KIF4A: variants seen among roughly 807,000 people sequenced by gnomAD.
KIF4A encodes the protein chromosome-associated kinesin KIF4A.
A neutral mutation model predicts 105.9 loss-of-function variants in KIF4A; 7 were observed. That is an observed-to-expected ratio of 0.07 (90% confidence interval 0.04 to 0.12). KIF4A has a LOEUF of 0.12. Ranked by LOEUF, KIF4A falls within the 10% of genes least tolerant of loss-of-function variation. KIF4A has a pLI of 1.00. For missense variants in KIF4A, 558 were observed against 929.2 expected, an observed-to-expected ratio of 0.60 and a Z score of 5.19; for synonymous variants, 281 against 331.3, an observed-to-expected ratio of 0.85 and a Z score of 1.65.
chrX:70,345,714 G>A (rs1169026025), intron 13 of KIF4A, among the ~76,000 whole-genome samples: 2 of 111,106 alleles, frequency 1.8e-5, no homozygotes, highest in Non-Finnish European at 3.8e-5. Context: ...AATCCTATCC[G>A]GATAACTGTT....
At chrX:70,419,293 G>T (rs893508114) in intron 29 of KIF4A, among the ~76,000 whole-genome samples, 2 of 111,801 alleles carry the variant, frequency 1.8e-5, no homozygotes, top group Non-Finnish European at 1.9e-5. Context: ...TCTCTCTCTC[G>T]GACTCAGTTT....
At chrX:70,337,365 AAAAC>A (rs757431406) in intron 10 of KIF4A, among the ~76,000 whole-genome samples, 6 of 111,602 alleles carry the variant, frequency 5.4e-5, no homozygotes, top group East Asian at 2.8e-4. Flanking sequence ...CGTCTCTTTA[AAAAC>A]AAACAAACAA....
At chrX:70,398,178 C>A (rs1400030052) in intron 22 of KIF4A, among the ~76,000 whole-genome samples, 1 of 111,754 alleles carries the variant, frequency 8.9e-6, no homozygotes, top group African/African-American at 3.3e-5. Context: ...GCTGGAATTA[C>A]AGGCACATGG....
At chrX:70,379,513 A>G (rs2086188727) in intron 18 of KIF4A, among the ~76,000 whole-genome samples, 1 of 111,966 alleles carries the variant, frequency 8.9e-6, no homozygotes, top group Non-Finnish European at 1.9e-5. Flanking sequence ...TTTCTTGGCC[A>G]GGTGCTGTGG....
chrX:70,373,947 T>C (rs995369642), intron 15 of KIF4A, among the ~76,000 whole-genome samples: 13 of 104,611 alleles, frequency 1.2e-4, no homozygotes, highest in African/African-American at 4.5e-4. Flanking sequence ...AGCGTGGCAG[T>C]CAAGATTAAA....
chrX:70,311,611 G>A (rs2085849978), intron 7 of KIF4A, among the ~76,000 whole-genome samples: 1 of 111,192 alleles, frequency 9.0e-6, no homozygotes, highest in East Asian at 2.8e-4. Context: ...ACAAATCACG[G>A]ACATATTGTT....
chrX:70,297,958 A>G (rs1454030837), intron 4 of KIF4A, among the ~76,000 whole-genome samples: 1 of 111,351 alleles, frequency 9.0e-6, no homozygotes, highest in African/African-American at 3.3e-5. Context: ...ACTGGAAGAC[A>G]GGGGATTACA....
Position 70,378,271 on chromosome X carries a change from A to C in KIF4A, c.2034+2061A>C, listed in dbSNP as rs1387587742. Among the ~76,000 whole-genome samples, 3 of 110,855 alleles carry C rather than the reference A, an allele frequency of 2.7e-5. No individual in the cohort carries two copies. In the East Asian group the frequency reaches 8.6e-4, roughly 32 times the overall value. ...TGAGGTGGAAGGATCACTTGACCCC[A>C]GGAGTTCAAGACCAGCCTGGGCAAA... On this transcript the variant is annotated intron_variant, in intron 18 of 30. Coordinates refer to ENST00000374403, the MANE Select transcript of KIF4A (RefSeq NM_012310.5).
At chrX:70,335,366 G>A (rs1273281518) in intron 10 of KIF4A, among the ~76,000 whole-genome samples, 1 of 112,077 alleles carries the variant, frequency 8.9e-6, no homozygotes, top group East Asian at 2.8e-4. Flanking sequence ...AAGTAGAATG[G>A]TGGTTGCCGG....
At chrX:70,343,799 C>G in intron 12 of KIF4A, 38 bp downstream of exon 12, 1 of 1,191,775 alleles carries the variant, frequency 8.4e-7, no homozygotes, top group Non-Finnish European at 1.1e-6. Context: ...CAACCTATAG[C>G]ATCTTAGTAT....
At chrX:70,372,236 G>A (rs1234283335) in intron 15 of KIF4A, among the ~76,000 whole-genome samples, 5 of 112,066 alleles carry the variant, frequency 4.5e-5, no homozygotes, top group African/African-American at 1.3e-4. Context: ...CTTCCCAGAC[G>A]GGGTGGCGGC....
chrX:70,420,557 C>T lies in KIF4A; in HGVS notation c.*292C>T. 1 of 264,315 alleles carries T rather than the reference C, an allele frequency of 3.8e-6. No homozygotes were observed. The highest frequency in any genetic ancestry group is 1.2e-3 in the Middle Eastern group (1 of 803). The allele number at this position is 264,315 out of a possible 1,213,427, so 21.8% of individuals were successfully genotyped here. A position where few individuals can be genotyped will look rare whatever the true frequency, so the allele number is the denominator to read the frequency against. On this transcript the variant is annotated 3_prime_UTR_variant, in exon 31 of 31. Transcript: ENST00000374403. Reference sequence around the variant, plus strand: ...AGTCCTCAGTCTGGTCAAGTTGTTTCTTATTTGTGAGCAGTTCAGGCTATC... The same window carrying T: ...AGTCCTCAGTCTGGTCAAGTTGTTTTTTATTTGTGAGCAGTTCAGGCTATC...
At chrX:70,301,085 G>A (rs1036302708) in intron 5 of KIF4A, among the ~76,000 whole-genome samples, 1 of 111,564 alleles carries the variant, frequency 9.0e-6, no homozygotes, top group Non-Finnish European at 1.9e-5. Context: ...ATGGAGGAGT[G>A]GGAGAAGTTG....
At chrX:70,304,624 T>G (rs1479947232) in intron 7 of KIF4A, among the ~76,000 whole-genome samples, 1 of 107,477 alleles carries the variant, frequency 9.3e-6, no homozygotes, top group Non-Finnish European at 1.9e-5. Context: ...TCATCCATGT[T>G]GCATCATATA....
chrX:70,337,354 C>T (rs2085954273), intron 10 of KIF4A, among the ~76,000 whole-genome samples: 1 of 111,356 alleles, frequency 9.0e-6, no homozygotes, highest in African/African-American at 3.3e-5. Flanking sequence ...TAGTAATATT[C>T]CGTCTCTTTA....
chrX:70,401,079 A>ATTT (rs1271801890), intron 22 of KIF4A, among the ~76,000 whole-genome samples: 1 of 74,068 alleles, frequency 1.4e-5, no homozygotes, highest in Non-Finnish European at 2.6e-5. Flanking sequence ...TAGGTTTATG[A>ATTT]TTTTTTTTTT....
chrX:70,376,976 G>C (rs2086177612), intron 18 of KIF4A, among the ~76,000 whole-genome samples: 1 of 111,825 alleles, frequency 8.9e-6, no homozygotes, highest in African/African-American at 3.3e-5. Context: ...TCTGACAACA[G>C]AGCCCCCAGA....
rs1340133196 is a variant in KIF4A at position 70,375,271 on chromosome X, C to T, written c.1846C>T (p.Leu616=). The change falls in exon 17 of 31, where the codon CTG becomes TTG. Residue 616 remains leucine (L), a synonymous_variant. Coordinates refer to ENST00000374403, the MANE Select transcript of KIF4A (RefSeq NM_012310.5). ...EGQIADLKKK[L]NEQSKLLKLK... ...TCAAATTGCTGATCTGAAGAAGAAA[C>T]TGAATGAGCAGTCCAAACTTCTGAA... 8.3e-7 allele frequency: 1 copy of T among 1,211,055 alleles called. No homozygotes were observed. Among genetic ancestry groups the T allele is most frequent in the East Asian group, 3.0e-5 (1 of 33,849 alleles).
intron 15 of KIF4A, chrX:70,362,300 C>G (rs1394970630): frequency 5.9e-6 from 2 of 339,820 alleles, no homozygotes; most frequent in Admixed American, 3.0e-5. Flanking sequence ...GGAAACTCAG[C>G]TCTTTCTCCG....
Sources: gnomAD v4.1 joint callset for allele counts (sites outside exome capture counted in the v4.1 genomes callset) on GRCh38, gnomAD v4.1.1 for gene constraint, MANE v1.5 for transcripts, NCBI Gene and HGNC (gene_info 2026-07-23, HGNC 2026-07-21) for gene names.